The following KIF21B variants were observed in gnomAD, a reference collection of about 807,000 sequenced individuals.
The protein encoded by KIF21B is kinesin-like protein KIF21B.
Under a neutral mutation model 192.9 loss-of-function variants are expected in KIF21B, and 85 were observed. That is an observed-to-expected ratio of 0.44 (90% CI 0.37 to 0.53). The LOEUF (loss-of-function observed/expected upper bound fraction) is 0.53. Among genes scored for constraint, KIF21B ranks in the 20% least tolerant of loss-of-function variants. The pLI, the probability that KIF21B is intolerant of heterozygous loss-of-function variation, is 0.00. For missense variants in KIF21B, 1,716 were observed against 2,194.8 expected (o/e 0.78, Z 4.36); for synonymous variants, 832 against 884.6 (o/e 0.94, Z 1.05).
chr1:200,992,482 A>G lies in KIF21B; in HGVS notation c.2278-93T>C. On this transcript the variant is annotated intron_variant, in intron 15 of 34. Coordinates refer to ENST00000461742, the MANE Select transcript of KIF21B (RefSeq NM_001252102.2). The stretch of plus-strand genomic sequence containing the variant: ...GGGGCCAGCTCTGAGGGCATGGGGC[A>G]GGGATAGTGGCTAGCCAGGCAACAC... The G allele has an allele frequency of 3.1e-6, 4 of 1,311,286 alleles. No individual in the cohort carries two copies. In the South Asian group the frequency reaches 4.8e-5, roughly 16 times the overall value. The allele number at this position is 1,311,286 out of a possible 1,614,324, so 81.2% of individuals were successfully genotyped here. A position where few individuals can be genotyped will look rare whatever the true frequency, so the allele number is the denominator to read the frequency against.
chr1:201,010,233 G>T (rs1571965498), intron 1 of KIF21B, among the ~76,000 whole-genome samples: 1 of 152,178 alleles, frequency 6.6e-6, no homozygotes, highest in African/African-American at 2.4e-5. Flanking sequence ...AGTTGGGCGG[G>T]GGAGGGCAGA....
At chr1:201,001,316 G>C (rs1358400534) in intron 9 of KIF21B, 1 of 154,290 alleles carries the variant, frequency 6.5e-6, no homozygotes, top group Non-Finnish European at 1.4e-5. Flanking sequence ...TCACTAGAAG[G>C]CTACTATAAT....
chr1:200,975,554 C>T lies in KIF21B; in HGVS notation c.4559G>A (p.Gly1520Asp). 6.2e-7 allele frequency: 1 copy of T among 1,613,960 alleles called. No homozygotes were observed. Among genetic ancestry groups the T allele is most frequent in the Non-Finnish European group, 8.5e-7 (1 of 1,179,842 alleles). Residue 1520 changes from glycine (G) to aspartate (D), a missense_variant, in exon 33 of 35, where the codon GGC becomes GAC. Around this residue, in one of 3 missense-constraint regions of KIF21B, gnomAD observed 580 missense variants for 775.5 expected, o/e 0.75. Coordinates refer to ENST00000461742, the MANE Select transcript of KIF21B (RefSeq NM_001252102.2). The surrounding 1 kb of genome is among the most constrained non-coding windows in gnomAD (Gnocchi z 4.3). ...CTTCTTGATGCCGTTATCTCGGGAG[C>T]CACTGAACAGGATGTCTCCCTGGAT... ...LAIQGDILFS[G>D]SRDNGIKKWD...
At chr1:200,996,765 A>G (rs950359229) in intron 14 of KIF21B, among the ~76,000 whole-genome samples, 9 of 152,198 alleles carry the variant, frequency 5.9e-5, no homozygotes, top group Admixed American at 2.0e-4. Context: ...AGTTTGCAAG[A>G]GAAGACAGAA....
intron 30 of KIF21B, among the ~76,000 whole-genome samples, chr1:200,978,869 T>C (rs1303463979): frequency 6.6e-6 from 1 of 152,140 alleles, no homozygotes; most frequent in African/African-American, 2.4e-5. Context: ...AATTTTTTTT[T>C]TGTAGAGACA....
At chr1:200,989,549 T>G (rs1474246040) in intron 21 of KIF21B, among the ~76,000 whole-genome samples, 1 of 152,220 alleles carries the variant, frequency 6.6e-6, no homozygotes, top group African/African-American at 2.4e-5. Context: ...TAAACCCTCC[T>G]GGGTGGAATG....
At chr1:200,988,983 A>C (rs12143520) in intron 21 of KIF21B, 52 bp from the exon 22 acceptor site, 297,183 of 1,531,970 alleles carry the variant, frequency 0.19, 31,918 homozygotes, top group African/African-American at 0.43. Flanking sequence ...GTTGGGAGTC[A>C]CCCATATCAC....
At chr1:201,020,780 G>A (rs538397079) in intron 1 of KIF21B, among the ~76,000 whole-genome samples, 1 of 147,784 alleles carries the variant, frequency 6.8e-6, no homozygotes, top group Non-Finnish European at 1.5e-5. Context: ...TTCTCACCTA[G>A]TCTAATAGCC....
At chr1:201,007,548 CCACA>C (rs1308205735) in intron 3 of KIF21B, among the ~76,000 whole-genome samples, 70 of 94,990 alleles carry the variant, frequency 7.4e-4, no homozygotes, top group Admixed American at 4.4e-3. Flanking sequence ...ACACAGACAC[CCACA>C]CACAAACACA....
chr1:201,020,107 C>T (rs1325454963), intron 1 of KIF21B, among the ~76,000 whole-genome samples: 4 of 151,994 alleles, frequency 2.6e-5, no homozygotes, highest in African/African-American at 4.8e-5. Context: ...GGCCAAGCAC[C>T]GCCAAGCAGA....
Position 200,987,162 on chromosome 1 carries a change from C to G in KIF21B, c.3448G>C (p.Ala1150Pro). ...TCCAGTGGGGGGCCCAGGCACTCAG[C>G]CGACACAGCTTTCATTTGGGCAGAC... is the stretch of plus-strand genomic sequence containing the variant. Reference protein sequence around the residue: ...KLSAQMKAVSAECLGPPLDIS... With the variant: ...KLSAQMKAVSPECLGPPLDIS... Residue 1150 changes from alanine to proline, a missense_variant, in exon 25 of 35, where the codon GCT (alanine) becomes CCT (proline). Ala to Pro is a conservative substitution (Grantham distance 27). Coordinates refer to ENST00000461742, the MANE Select transcript of KIF21B (RefSeq NM_001252102.2). 6.2e-7 allele frequency: 1 copy of G among 1,613,824 alleles called. No individual in the cohort carries two copies.
chr1:200,997,695 T>C (rs1391427353), intron 14 of KIF21B, among the ~76,000 whole-genome samples: 2 of 152,144 alleles, frequency 1.3e-5, no homozygotes, highest in African/African-American at 2.4e-5. Flanking sequence ...TTAGCCGAGA[T>C]CACGCCACTG....
Position 200,977,270 on chromosome 1 carries a change from A to C in KIF21B, c.4267T>G (p.Ser1423Ala). 1.9e-6 allele frequency: 3 copies of C among 1,614,160 alleles called. No homozygotes were observed. The highest frequency in any genetic ancestry group is 2.2e-5 in the South Asian group (2 of 91,082). Residue 1423 changes from serine to alanine, a missense_variant, in exon 31 of 35, where the codon TCG becomes GCG. Ser to Ala is a moderately conservative substitution (Grantham distance 99, BLOSUM62 1). Around this residue, in one of 3 missense-constraint regions of KIF21B, gnomAD observed 580 missense variants for 775.5 expected, o/e 0.75. Coordinates refer to ENST00000461742, the MANE Select transcript of KIF21B (RefSeq NM_001252102.2). ...GAGGCGGCGTACAGCATGGTGCCCG[A>C]AGGGCTGAGGGCGATCTGGTTGATC... ...HQINQIALSP[S>A]GTMLYAASGN...
intron 34 of KIF21B, chr1:200,973,911 G>A: frequency 6.7e-7 from 1 of 1,492,110 alleles, no homozygotes; most frequent in Non-Finnish European, 8.9e-7. Flanking sequence ...CTTGGAAAAG[G>A]ACGGTGGGTG....
intron 3 of KIF21B, among the ~76,000 whole-genome samples, chr1:201,007,683 CACAG>C (rs1218157357): frequency 2.6e-5 from 4 of 151,088 alleles, no homozygotes; most frequent in Non-Finnish European, 5.9e-5. Flanking sequence ...TAGACACACG[CACAG>C]ACACACACAG....
chr1:200,977,127 C>T (rs918634124), intron 31 of KIF21B, 85 bp downstream of exon 31: 63 of 1,509,652 alleles, frequency 4.2e-5, no homozygotes, highest in Middle Eastern at 3.8e-4. Context: ...TCCTACCCAC[C>T]CTGGGGTGGG....
chr1:201,000,807 T>G lies in KIF21B; in HGVS notation c.1403-27A>C, dbSNP rs768800499. 164 of 1,613,258 alleles carry G rather than the reference T, an allele frequency of 1.0e-4. 3 individuals carry two copies. The highest frequency in any genetic ancestry group is 8.2e-4 in the Middle Eastern group (5 of 6,084). ...TGGAGTGGGACGGCGGGAAGAAGGG[T>G]GCGATAAAGAAGATAAATAGGCCAG... On this transcript the variant is annotated intron_variant, in intron 9 of 34. Transcript: ENST00000461742. The surrounding 1 kb of genome is among the most constrained non-coding windows in gnomAD (Gnocchi z 6.0).
At chr1:200,989,870 C>T (rs900379161) in intron 21 of KIF21B, 72 bp downstream of exon 21, 2 of 1,260,958 alleles carry the variant, frequency 1.6e-6, no homozygotes, top group Non-Finnish European at 2.3e-6. Context: ...GGCCCCTGGG[C>T]TTCACACTAG....
chr1:200,990,094 C>T lies in KIF21B; in HGVS notation c.3030+44G>A, dbSNP rs1656580989. The T allele has an allele frequency of 6.2e-7, 1 of 1,610,456 alleles. No homozygotes were observed. The highest frequency in any genetic ancestry group is 1.7e-5 in the Admixed American group (1 of 59,908). ...GTCACCTGGGGCTACCCCTGCCACC[C>T]ATCTCTCCCGCCTCCGCCCCAGCAG... is the stretch of plus-strand genomic sequence containing the variant. On this transcript the variant is annotated intron_variant, in intron 20 of 34. Coordinates refer to ENST00000461742, the MANE Select transcript of KIF21B (RefSeq NM_001252102.2). This position sits in a 1 kb window ranked among gnomAD's most constrained non-coding sequence, Gnocchi z 5.4.
Sources: gnomAD v4.1 joint callset for allele counts (sites outside exome capture counted in the v4.1 genomes callset) on GRCh38, gnomAD v4.1.1 for gene constraint, gnomAD v4.1.1 regional missense constraint, Gnocchi (gnomAD v3.1) non-coding constraint, MANE v1.5 for transcripts, NCBI Gene and HGNC (gene_info 2026-07-23, HGNC 2026-07-21) for gene names.